KLHL26: variants seen among roughly 807,000 people sequenced by gnomAD.
KLHL26 encodes kelch like family member 26, also known as kelch-like protein 26.
Under a neutral mutation model 7.1 loss-of-function variants are expected in KLHL26, and 4 were observed. The observed-to-expected ratio is 0.56, with a 90% confidence interval of 0.28 to 1.28. KLHL26 has a LOEUF of 1.28. Among genes scored for constraint, KLHL26 ranks in the 50% most tolerant of loss-of-function variants. The pLI, the probability that KLHL26 is intolerant of heterozygous loss-of-function variation, is 0.11. For missense variants in KLHL26, 896 were observed against 924.6 expected (o/e 0.97, Z 0.40); for synonymous variants, 465 against 414.1 (o/e 1.12, Z -1.49).
rs113617867 is a variant in KLHL26, at chr19:18,661,018, G to A, written c.84-3243G>A. On this transcript the variant is annotated intron_variant, in intron 1 of 2. Coordinates refer to ENST00000300976, the MANE Select transcript of KLHL26 (RefSeq NM_018316.3). The stretch of plus-strand genomic sequence containing the variant: ...AGATGGGAGCATCCAGATTCTCCGA[G>A]TGTGTAGTCGTCACGTGCTAGTGGC... Among the ~76,000 whole-genome samples, 42 of 152,322 alleles carry A rather than the reference G, an allele frequency of 2.8e-4. 1 individual carries two copies. Among genetic ancestry groups the A allele is most frequent in the African/African-American group, 9.6e-4 (40 of 41,560 alleles).
intron 1 of KLHL26, among the ~76,000 whole-genome samples, chr19:18,657,427 TGTCTCTGAGTCTCTGG>T (rs558700019): frequency 5.9e-5 from 9 of 152,030 alleles, no homozygotes; most frequent in Non-Finnish European, 1.2e-4. Flanking sequence ...TGTGTCTCCC[TGTCTCTGAGTCTCTGG>T]GTCTCTGAGT....
In KLHL26 at chr19:18,656,670, A is replaced by G. The variant is rs12976113; in HGVS notation, c.84-7591A>G. On this transcript the variant is annotated intron_variant, in intron 1 of 2. Transcript: ENST00000300976. This position sits in a 1 kb window ranked among gnomAD's most constrained non-coding sequence, Gnocchi z 4.4. ...TGTGTGAGTTGGGCCAACAGGCGCA[A>G]CTCACGGCGAGCCCTGTCTGCCTCA... Among the ~76,000 whole-genome samples, 106,545 of 148,908 alleles carry G rather than the reference A, an allele frequency of 0.72. 38,847 individuals carry two copies. Among genetic ancestry groups the G allele is most frequent in the African/African-American group, 0.9 (36,920 of 40,896 alleles).
chr19:18,667,161 G>GT lies in KLHL26; in HGVS notation c.267-495dup, dbSNP rs1172224528. 6.7e-5 allele frequency among the ~76,000 whole-genome samples: 10 copies of GT among 150,280 alleles called. No individual in the cohort carries two copies. In the South Asian group the frequency reaches 1.1e-3, roughly 16 times the overall value. ...TCAAAATCTTTTTTTTTTTTTGCATGTTTTTTTTGTTTGTTTGAGACAGAG... is the reference window on the plus strand; with the variant it reads ...TCAAAATCTTTTTTTTTTTTTGCATGTTTTTTTTTGTTTGTTTGAGACAGAG... On this transcript the variant is annotated intron_variant, in intron 2 of 2. Transcript: ENST00000300976.
rs373542592 is a variant in KLHL26 at position 18,659,956 on chromosome 19, C to T, written c.84-4305C>T. On this transcript the variant is annotated intron_variant, in intron 1 of 2. Transcript: ENST00000300976. ...TTGGGCTGGGTTCCCCCAGAGCAGA[C>T]TCTCAGGCGGGGGTTCGAGGGCCCC... Among the ~76,000 whole-genome samples the T allele has an allele frequency of 7.2e-5, 11 of 152,374 alleles. No individual in the cohort carries two copies. The East Asian group carries it at 1.7e-3, about 24-fold the overall frequency.
At chr19:18,637,646 G>T (rs1281659911) in intron 1 of KLHL26, among the ~76,000 whole-genome samples, 1 of 151,276 alleles carries the variant, frequency 6.6e-6, no homozygotes, top group African/African-American at 2.4e-5. Flanking sequence ...GACTGTGGGA[G>T]GCTCTGGGTG....
In KLHL26 at chr19:18,671,324, C is replaced by T. The variant is rs1158739296; in HGVS notation, c.*2079C>T. 6.6e-6 allele frequency: 1 copy of T among 152,256 alleles called. No individual in the cohort carries two copies. The highest frequency in any genetic ancestry group is 2.4e-5 in the African/African-American group (1 of 41,444). The allele number at this position is 152,256 out of a possible 1,614,324, so 9.4% of individuals were successfully genotyped here. Reference sequence around the variant, plus strand: ...GGAACCTAAAAGAAGCCCACACTGTCAGGGGCATCGAGACAAAAGCCGAGT... The same window carrying T: ...GGAACCTAAAAGAAGCCCACACTGTTAGGGGCATCGAGACAAAAGCCGAGT... On this transcript the variant is annotated 3_prime_UTR_variant, in exon 3 of 3. Transcript: ENST00000300976.
At chr19:18,647,481 C>A (rs1976825425) in intron 1 of KLHL26, among the ~76,000 whole-genome samples, 1 of 151,700 alleles carries the variant, frequency 6.6e-6, no homozygotes. Context: ...GTGTGTCTTA[C>A]CCTTTGGTTT....
intron 1 of KLHL26, among the ~76,000 whole-genome samples, chr19:18,657,221 G>T (rs992379472): frequency 6.6e-6 from 1 of 150,604 alleles, no homozygotes; most frequent in South Asian, 2.1e-4. Context: ...CTGTCCCTGG[G>T]TCTCTGTCTC....
At position 18,649,800 on chromosome 19, in the gene KLHL26, G is replaced by A. The variant is rs1211518498; in HGVS notation, c.83+12663G>A. Among the ~76,000 whole-genome samples, 2 of 151,990 alleles carry A rather than the reference G, an allele frequency of 1.3e-5. No individual in the cohort carries two copies. The highest frequency in any genetic ancestry group is 2.4e-5 in the African/African-American group (1 of 41,366). ...TCCACATGTCTCTCCGGAGAGGGCC[G>A]CACAGAATTCACAGGACTCGTCTCC... On this transcript the variant is annotated intron_variant, in intron 1 of 2. Coordinates refer to ENST00000300976, the MANE Select transcript of KLHL26 (RefSeq NM_018316.3). The surrounding 1 kb of genome is among the most constrained non-coding windows in gnomAD (Gnocchi z 4.0).
chr19:18,660,959 C>T (rs1463429128), intron 1 of KLHL26, among the ~76,000 whole-genome samples: 1 of 152,228 alleles, frequency 6.6e-6, no homozygotes, highest in African/African-American at 2.4e-5. Flanking sequence ...ATGGGCCTCA[C>T]CCTGCTTTCT....
rs575533468 is a variant in KLHL26 at position 18,637,547 on chromosome 19, G to T, written c.83+410G>T. Among the ~76,000 whole-genome samples the T allele has an allele frequency of 6.6e-5, 10 of 152,114 alleles. No homozygotes were observed. The South Asian group carries it at 8.3e-4, about 13-fold the overall frequency. On this transcript the variant is annotated intron_variant, in intron 1 of 2. Coordinates refer to ENST00000300976, the MANE Select transcript of KLHL26 (RefSeq NM_018316.3). The stretch of plus-strand genomic sequence containing the variant: ...TTGGGGGCTCTGAGGAAGGGGCTAA[G>T]GCCCAAGGCATCCTGGGAGGTGCTG...
At chr19:18,665,783 G>T (rs548916229) in intron 2 of KLHL26, among the ~76,000 whole-genome samples, 4 of 152,190 alleles carry the variant, frequency 2.6e-5, no homozygotes, top group Admixed American at 6.5e-5. Flanking sequence ...ACCAGCAGGT[G>T]AGCCTCCTTC....
rs2052480320 is a variant in KLHL26, at chr19:18,668,416, A to G, written c.1019A>G (p.His340Arg). The stretch of plus-strand genomic sequence containing the variant: ...CAGCTGCCTGAGCCGGGAGCCCGCC[A>G]CTTCCGCGAGCTCACGGAGATGGAG... ...VYQLPEPGAR[H>R]FRELTEMEVG... is the part of the protein sequence containing the mutation. Residue 340 changes from histidine (H) to arginine (R), a missense_variant, in exon 3 of 3, where the codon CAC (histidine) becomes CGC (arginine). Coordinates refer to ENST00000300976, the MANE Select transcript of KLHL26 (RefSeq NM_018316.3). 7 of 1,610,976 alleles carry G rather than the reference A, an allele frequency of 4.3e-6. No homozygotes were observed. Among genetic ancestry groups the G allele is most frequent in the South Asian group, 1.1e-5 (1 of 91,052 alleles).
intron 1 of KLHL26, among the ~76,000 whole-genome samples, chr19:18,642,305 A>T (rs1188278373): frequency 6.7e-6 from 1 of 149,328 alleles, no homozygotes; most frequent in Non-Finnish European, 1.5e-5. Flanking sequence ...ATGCAAGCTC[A>T]AGTAGTCCCC....
At chr19:18,643,755 G>C (rs1329141948) in intron 1 of KLHL26, among the ~76,000 whole-genome samples, 8 of 152,066 alleles carry the variant, frequency 5.3e-5, no homozygotes, top group Admixed American at 5.2e-4. Context: ...TGCGATTACA[G>C]GCATGAGCCA....
At chr19:18,665,611 C>G (rs1004896844) in intron 2 of KLHL26, among the ~76,000 whole-genome samples, 4 of 152,226 alleles carry the variant, frequency 2.6e-5, no homozygotes, top group Non-Finnish European at 5.9e-5. Context: ...GGGCACTTCC[C>G]CAACGTGACA....
intron 2 of KLHL26, among the ~76,000 whole-genome samples, chr19:18,666,690 T>C (rs1221239310): frequency 6.6e-6 from 1 of 152,178 alleles, no homozygotes; most frequent in African/African-American, 2.4e-5. Context: ...CCTGAGCCTG[T>C]CTCTGGAGAC....
intron 1 of KLHL26, among the ~76,000 whole-genome samples, chr19:18,662,101 C>T (rs139494686): frequency 5.1e-4 from 77 of 152,250 alleles, no homozygotes; most frequent in African/African-American, 1.5e-3. Flanking sequence ...TAAATATGCT[C>T]CTAAGGACTG....
At chr19:18,639,840 C>T (rs553768578) in intron 1 of KLHL26, among the ~76,000 whole-genome samples, 4 of 152,266 alleles carry the variant, frequency 2.6e-5, no homozygotes, top group South Asian at 4.1e-4. Flanking sequence ...CACCAACATA[C>T]AGCCCCGGGG....
Sources: allele counts gnomAD v4.1 joint callset (sites outside exome capture counted in the v4.1 genomes callset), GRCh38; gene constraint gnomAD v4.1.1; non-coding constraint Gnocchi (gnomAD v3.1); transcripts MANE v1.5; gene names NCBI Gene and HGNC (gene_info 2026-07-23, HGNC 2026-07-21).